BRINP3: variants seen among roughly 807,000 people sequenced by gnomAD.
BRINP3 encodes the protein BMP/retinoic acid inducible neural specific 3, also known as BMP/retinoic acid-inducible neural-specific protein 3.
BRINP3 carries 19 observed loss-of-function variants against 71.0 expected under a neutral mutation model. The ratio of observed to expected loss-of-function variants is 0.27; its 90% CI spans 0.19 to 0.39. The LOEUF is 0.39. BRINP3 is among the 10% of genes least tolerant of loss of function. The probability of loss-of-function intolerance (pLI) is 1.00; values close to 1 mark genes in which losing one functional copy is unlikely to be tolerated. For synonymous variants in BRINP3, 380 were observed against 337.7 expected (o/e 1.13, Z -1.37); for missense variants, 959 against 940.8 (o/e 1.02, Z -0.25).
intron 2 of BRINP3, among the ~76,000 whole-genome samples, chr1:190,292,522 C>T (rs1018843217): frequency 1.5e-4 from 23 of 151,992 alleles, no homozygotes; most frequent in South Asian, 2.1e-4. Context: ...GTGGCATTTG[C>T]CTGTAGTCCT....
intron 6 of BRINP3, among the ~76,000 whole-genome samples, chr1:190,172,817 C>T (rs1290378761): frequency 1.3e-5 from 2 of 152,096 alleles, no homozygotes; most frequent in Non-Finnish European, 2.9e-5. Context: ...TATGGTGGCT[C>T]CCACGAACAG....
At chr1:190,340,422 G>T (rs1350662518) in intron 2 of BRINP3, among the ~76,000 whole-genome samples, 4 of 151,762 alleles carry the variant, frequency 2.6e-5, no homozygotes, top group Non-Finnish European at 5.9e-5. Flanking sequence ...CTCCTTTTGG[G>T]TCTAGCTCAG....
Position 190,103,686 on chromosome 1 carries a change from T to C in BRINP3, c.1185-4552A>G, listed in dbSNP as rs559387679. On this transcript the variant is annotated intron_variant, in intron 7 of 7. Transcript: ENST00000367462. ...ATGTCTACAAGAAGGTAAGGAAAAG[T>C]TGAAAGTTCTGTAGAGAAGAGGACA... 5.3e-5 allele frequency among the ~76,000 whole-genome samples: 8 copies of C among 152,160 alleles called. No homozygotes were observed. In the East Asian group the frequency reaches 1.5e-3, roughly 29 times the overall value.
intron 2 of BRINP3, among the ~76,000 whole-genome samples, chr1:190,408,274 G>A (rs1672436649): frequency 6.6e-6 from 1 of 151,304 alleles, no homozygotes; most frequent in African/African-American, 2.4e-5. Flanking sequence ...TCGATCTCCT[G>A]ACCTTGAGAT....
At chr1:190,268,125 G>A (rs1661810861) in intron 3 of BRINP3, among the ~76,000 whole-genome samples, 1 of 151,890 alleles carries the variant, frequency 6.6e-6, no homozygotes, top group African/African-American at 2.4e-5. Context: ...CTCAATAGTA[G>A]GAAATCATTA....
chr1:190,131,419 G>A (rs571680451), intron 7 of BRINP3, among the ~76,000 whole-genome samples: 1 of 151,978 alleles, frequency 6.6e-6, no homozygotes, highest in South Asian at 2.1e-4. Context: ...ATCCTAACAT[G>A]GTACATAATA....
At chr1:190,369,662 G>A (rs1305713468) in intron 2 of BRINP3, among the ~76,000 whole-genome samples, 3 of 142,654 alleles carry the variant, frequency 2.1e-5, no homozygotes, top group African/African-American at 7.7e-5. Context: ...TTAAAAAAAA[G>A]TATGTTCTTG....
chr1:190,402,173 G>A (rs1454412619), intron 2 of BRINP3, among the ~76,000 whole-genome samples: 4 of 152,010 alleles, frequency 2.6e-5, no homozygotes, highest in Non-Finnish European at 4.4e-5. Flanking sequence ...AGATGTAGGC[G>A]TGTATAACAA....
intron 6 of BRINP3, among the ~76,000 whole-genome samples, chr1:190,219,159 A>G (rs1656658411): frequency 6.6e-6 from 1 of 152,122 alleles, no homozygotes; most frequent in Non-Finnish European, 1.5e-5. Flanking sequence ...GACAGATAAA[A>G]CTGGAATTAA....
At chr1:190,236,564 C>T (rs1207604196) in intron 4 of BRINP3, among the ~76,000 whole-genome samples, 1 of 151,796 alleles carries the variant, frequency 6.6e-6, no homozygotes, top group Non-Finnish European at 1.5e-5. Context: ...TGTAAATAGC[C>T]AGAGTTGACA....
chr1:190,209,297 C>T (rs1205325651), intron 6 of BRINP3, among the ~76,000 whole-genome samples: 1 of 152,092 alleles, frequency 6.6e-6, no homozygotes, highest in Non-Finnish European at 1.5e-5. Flanking sequence ...ATTTATCTAC[C>T]TAAGGTTGGC....
chr1:190,197,310 C>G (rs1654573807), intron 6 of BRINP3, among the ~76,000 whole-genome samples: 1 of 152,064 alleles, frequency 6.6e-6, no homozygotes, highest in Non-Finnish European at 1.5e-5. Flanking sequence ...GCACCTGGCC[C>G]CTACCAAATT....
At chr1:190,122,586 TG>T (rs1557986149) in intron 7 of BRINP3, among the ~76,000 whole-genome samples, 2 of 9,258 alleles carry the variant, frequency 2.2e-4, no homozygotes, top group Non-Finnish European at 4.8e-4. Context: ...GGGGTGGGGG[TG>T]GGGGAGGGGG....
At chr1:190,307,258 G>GTTTTTTTTT (rs71123082) in intron 2 of BRINP3, among the ~76,000 whole-genome samples, 2 of 52,632 alleles carry the variant, frequency 3.8e-5, no homozygotes, top group African/African-American at 7.6e-5. Flanking sequence ...TTAAAACATT[G>GTTTTTTTTT]TTTTTTTTTT....
intron 6 of BRINP3, among the ~76,000 whole-genome samples, chr1:190,224,463 C>T (rs967026600): frequency 6.6e-6 from 1 of 151,684 alleles, no homozygotes; most frequent in Non-Finnish European, 1.5e-5. Flanking sequence ...CTATCTCTCA[C>T]CATACACAAA....
chr1:190,138,772 C>T (rs1297343421), intron 7 of BRINP3, among the ~76,000 whole-genome samples: 1 of 152,158 alleles, frequency 6.6e-6, no homozygotes, highest in Non-Finnish European at 1.5e-5. Context: ...TGGCCATGTC[C>T]TTCTTTGTGT....
rs555800641 is a variant in BRINP3, at chr1:190,283,591, C to T, written c.237-1841G>A. ...GTTAGTCACTTCTACAATAAATTTA[C>T]TTAAATCTGAATTGTAGGTACATAA... On this transcript the variant is annotated intron_variant, in intron 2 of 7. Coordinates refer to ENST00000367462, the MANE Select transcript of BRINP3 (RefSeq NM_199051.3). Among the ~76,000 whole-genome samples, 309 of 149,872 alleles carry T rather than the reference C, an allele frequency of 2.1e-3. 4 individuals carry two copies. Among genetic ancestry groups the T allele is most frequent in the Non-Finnish European group, 3.2e-3 (217 of 67,442 alleles).
At chr1:190,270,957 C>A (rs766022463) in intron 3 of BRINP3, among the ~76,000 whole-genome samples, 19 of 151,598 alleles carry the variant, frequency 1.3e-4, no homozygotes, top group Admixed American at 2.6e-4. Context: ...CAAATATTTT[C>A]TTCAATTGAG....
At chr1:190,295,271 C>G (rs2102979254) in intron 2 of BRINP3, among the ~76,000 whole-genome samples, 1 of 152,192 alleles carries the variant, frequency 6.6e-6, no homozygotes, top group Middle Eastern at 3.4e-3. Flanking sequence ...CCAAGCAGCT[C>G]ACTTGGTTCT....
Sources: allele counts gnomAD v4.1 joint callset (sites outside exome capture counted in the v4.1 genomes callset), GRCh38; gene constraint gnomAD v4.1.1; transcripts MANE v1.5; gene names NCBI Gene and HGNC (gene_info 2026-07-23, HGNC 2026-07-21).